Variants in TNFSF4 observed in about 807,000 individuals in gnomAD.
The protein encoded by TNFSF4 is TNF superfamily member 4.
Under a neutral mutation model 7.3 loss-of-function variants are expected in TNFSF4, and 4 were observed. The observed-to-expected ratio is 0.55, with a 90% CI of 0.27 to 1.25. The LOEUF is 1.25. Ranked by LOEUF, TNFSF4 falls within the 50% of genes most tolerant of loss-of-function variation. The pLI, the probability that TNFSF4 is intolerant of heterozygous loss-of-function variation, is 0.12. For missense variants in TNFSF4, 181 were observed against 208.8 expected (o/e 0.87, Z 0.82); for synonymous variants, 76 against 83.7 (o/e 0.91, Z 0.50).
the TNFSF4 span, among the ~76,000 whole-genome samples, chr1:173,326,856 T>G: frequency 2.0e-5 from 3 of 151,930 alleles, no homozygotes; most frequent in Non-Finnish European, 2.9e-5. Context: ...CACTGCTCAA[T>G]GAAATAAAAG....
chr1:173,225,728 T>C, the TNFSF4 span, among the ~76,000 whole-genome samples: 1 of 152,142 alleles, frequency 6.6e-6, no homozygotes, highest in Non-Finnish European at 1.5e-5. Context: ...AGAACTTAGG[T>C]GCAACCAGAG....
chr1:173,276,899 C>G, the TNFSF4 span, among the ~76,000 whole-genome samples: 2 of 152,134 alleles, frequency 1.3e-5, no homozygotes. Flanking sequence ...TGATATCTAA[C>G]TAACAGTGAT....
At chr1:173,379,661 A>T in the TNFSF4 span, among the ~76,000 whole-genome samples, 26 of 152,342 alleles carry the variant, frequency 1.7e-4, no homozygotes, top group Non-Finnish European at 3.2e-4. Flanking sequence ...AGGGACCAAG[A>T]AGAACAGGCC....
At chr1:173,326,180 G>T in the TNFSF4 span, among the ~76,000 whole-genome samples, 3 of 152,170 alleles carry the variant, frequency 2.0e-5, no homozygotes, top group African/African-American at 7.2e-5. Context: ...GACCAAGTGG[G>T]CTTCATCCCT....
At chr1:173,343,308 G>A in the TNFSF4 span, among the ~76,000 whole-genome samples, 16 of 152,208 alleles carry the variant, frequency 1.1e-4, no homozygotes, top group South Asian at 2.1e-4. Context: ...TAGGATAGTC[G>A]GACAAGCCAT....
chr1:173,385,997 G>A, the TNFSF4 span, among the ~76,000 whole-genome samples: 63 of 152,210 alleles, frequency 4.1e-4, no homozygotes, highest in Non-Finnish European at 8.2e-4. Context: ...TATTAGTATG[G>A]GTGGACAGAA....
chr1:173,279,103 G>T, the TNFSF4 span, among the ~76,000 whole-genome samples: 1 of 152,084 alleles, frequency 6.6e-6, no homozygotes, highest in African/African-American at 2.4e-5. Flanking sequence ...AAGCTGGCAA[G>T]CTAGTTTCCC....
At chr1:173,429,091 A>G in the TNFSF4 span, among the ~76,000 whole-genome samples, 1 of 152,304 alleles carries the variant, frequency 6.6e-6, no homozygotes, top group Middle Eastern at 3.4e-3. Flanking sequence ...GTGTAAAACA[A>G]AATCAGGCCA....
At chr1:173,380,284 A>C in the TNFSF4 span, among the ~76,000 whole-genome samples, 1 of 152,198 alleles carries the variant, frequency 6.6e-6, no homozygotes, top group Non-Finnish European at 1.5e-5. Flanking sequence ...TATTATCTAC[A>C]TGAATATGGG....
the TNFSF4 span, among the ~76,000 whole-genome samples, chr1:173,335,185 G>C: frequency 6.6e-6 from 1 of 152,124 alleles, no homozygotes; most frequent in Non-Finnish European, 1.5e-5. Context: ...GGCCCACAGA[G>C]AGCAAGTTGG....
chr1:173,387,364 C>T, the TNFSF4 span, among the ~76,000 whole-genome samples: 1 of 152,136 alleles, frequency 6.6e-6, no homozygotes, highest in African/African-American at 2.4e-5. Flanking sequence ...AGCCTTTCCC[C>T]CACATGAGGA....
chr1:173,199,775 G>A (rs759953036), intron 1 of TNFSF4, among the ~76,000 whole-genome samples: 1 of 152,102 alleles, frequency 6.6e-6, no homozygotes, highest in Non-Finnish European at 1.5e-5. Flanking sequence ...TATCACTTAA[G>A]TAATTCTTTG....
At chr1:173,329,998 G>A in the TNFSF4 span, among the ~76,000 whole-genome samples, 2 of 152,174 alleles carry the variant, frequency 1.3e-5, no homozygotes, top group Non-Finnish European at 2.9e-5. Context: ...TCATATTTGT[G>A]TAATGTAAAC....
the TNFSF4 span, among the ~76,000 whole-genome samples, chr1:173,384,652 T>C: frequency 6.6e-6 from 1 of 152,134 alleles, no homozygotes; most frequent in Non-Finnish European, 1.5e-5. Flanking sequence ...GAAGTGCTAC[T>C]GCAAATTTAG....
At chr1:173,346,099 T>A in the TNFSF4 span, among the ~76,000 whole-genome samples, 6 of 152,100 alleles carry the variant, frequency 3.9e-5, no homozygotes, top group African/African-American at 1.4e-4. Context: ...TGAAGCCTGA[T>A]CCACCCCTCC....
chr1:173,405,026 C>T, the TNFSF4 span, among the ~76,000 whole-genome samples: 2 of 152,206 alleles, frequency 1.3e-5, no homozygotes, highest in African/African-American at 4.8e-5. Context: ...ACATTTATCA[C>T]ATTCTAACAT....
the TNFSF4 span, among the ~76,000 whole-genome samples, chr1:173,429,274 G>C: frequency 6.6e-6 from 1 of 152,068 alleles, no homozygotes; most frequent in African/African-American, 2.4e-5. Context: ...CCAAAAGAGA[G>C]AAAAGACTGG....
chr1:173,283,771 C>A, the TNFSF4 span, among the ~76,000 whole-genome samples: 1 of 151,716 alleles, frequency 6.6e-6, no homozygotes, highest in African/African-American at 2.4e-5. Flanking sequence ...ATAGGTAAAT[C>A]TAAACATTTT....
the TNFSF4 span, among the ~76,000 whole-genome samples, chr1:173,406,889 G>A: frequency 2.6e-5 from 4 of 152,310 alleles, no homozygotes; most frequent in Non-Finnish European, 2.9e-5. Context: ...GCCTGTGGCC[G>A]TGGGGTGAAA....
Sources: allele counts gnomAD v4.1 joint callset (sites outside exome capture counted in the v4.1 genomes callset), GRCh38; gene constraint gnomAD v4.1.1; transcripts MANE v1.5; gene names NCBI Gene and HGNC (gene_info 2026-07-23, HGNC 2026-07-21).